Variants in CSMD1 observed in about 807,000 individuals in gnomAD.
CSMD1 encodes CUB and sushi domain-containing protein 1.
Under a neutral mutation model 417.5 loss-of-function variants are expected in CSMD1, and 213 were observed. That is an observed-to-expected ratio of 0.51 (90% confidence interval 0.46 to 0.57). The LOEUF is 0.57. Among genes scored for constraint, CSMD1 ranks in the 20% least tolerant of loss-of-function variants. The pLI, the probability that CSMD1 is intolerant of heterozygous loss-of-function variation, is 0.00. For missense variants in CSMD1, 6,923 were observed against 4,529.7 expected (o/e 1.53, Z -15.17); for synonymous variants, 2,862 against 1,736.8 (o/e 1.65, Z -16.11).
At chr8:3,436,264 C>T (rs922207518) in intron 12 of CSMD1, among the ~76,000 whole-genome samples, 22 of 152,200 alleles carry the variant, frequency 1.4e-4, no homozygotes, top group African/African-American at 3.9e-4. Context: ...TCTCTCTTAC[C>T]AACGCGATAG....
At chr8:3,613,718 CA>C (rs572724673) in intron 8 of CSMD1, among the ~76,000 whole-genome samples, 1,371 of 112,626 alleles carry the variant, frequency 0.012, 23 homozygotes, top group African/African-American at 0.043. Context: ...CACACACACA[CA>C]CACACACACA....
At chr8:4,820,978 A>G (rs1585156924) in intron 1 of CSMD1, among the ~76,000 whole-genome samples, 1 of 152,188 alleles carries the variant, frequency 6.6e-6, no homozygotes, top group African/African-American at 2.4e-5. Flanking sequence ...CAAAAATGGT[A>G]AGAGACACAA....
intron 5 of CSMD1, among the ~76,000 whole-genome samples, chr8:3,974,756 G>A (rs577859508): frequency 1.3e-5 from 2 of 151,580 alleles, no homozygotes; most frequent in Non-Finnish European, 2.9e-5. Context: ...GTATACTTAC[G>A]GAATTCTTTA....
chr8:3,591,730 A>C (rs1800855100), intron 8 of CSMD1, among the ~76,000 whole-genome samples: 1 of 151,858 alleles, frequency 6.6e-6, no homozygotes, highest in Admixed American at 6.6e-5. Flanking sequence ...AGATTAGATG[A>C]CAGATACACA....
intron 6 of CSMD1, among the ~76,000 whole-genome samples, chr8:3,714,444 C>T (rs1585120917): frequency 6.7e-6 from 1 of 150,360 alleles, no homozygotes; most frequent in South Asian, 2.1e-4. Context: ...CTTTTTTGAC[C>T]AGGCATGGTG....
At chr8:3,694,059 T>G (rs62474722) in intron 7 of CSMD1, among the ~76,000 whole-genome samples, 142,186 of 151,158 alleles carry the variant, frequency 0.94, 66,940 homozygotes, top group East Asian at 0.99. Context: ...TGTGTTAGTG[T>G]GTGTGTGTTG....
At chr8:4,103,140 G>C (rs951717895) in intron 3 of CSMD1, among the ~76,000 whole-genome samples, 2 of 151,988 alleles carry the variant, frequency 1.3e-5, no homozygotes, top group Admixed American at 6.6e-5. Context: ...CAGTTATTTT[G>C]CAAAGTAGCC....
chr8:3,135,148 T>C (rs1441190115), intron 41 of CSMD1, among the ~76,000 whole-genome samples: 2 of 152,184 alleles, frequency 1.3e-5, no homozygotes, highest in Non-Finnish European at 2.9e-5. Context: ...ACTCCTGGCC[T>C]TGAGCAATCT....
intron 5 of CSMD1, among the ~76,000 whole-genome samples, chr8:3,823,485 A>G (rs139911471): frequency 6.6e-6 from 1 of 152,210 alleles, no homozygotes; most frequent in Non-Finnish European, 1.5e-5. Context: ...TGTATTTTTG[A>G]ACCATTTAGC....
chr8:3,465,409 G>A (rs1379897043), intron 12 of CSMD1, among the ~76,000 whole-genome samples: 1 of 152,176 alleles, frequency 6.6e-6, no homozygotes, highest in Non-Finnish European at 1.5e-5. Context: ...ACGAGCCCGG[G>A]AATGATGGAG....
chr8:3,514,056 C>A (rs1485416684), intron 10 of CSMD1, among the ~76,000 whole-genome samples: 3 of 152,128 alleles, frequency 2.0e-5, no homozygotes, highest in Admixed American at 6.6e-5. Context: ...CTCTTAGGAA[C>A]ACCCTGTGTT....
chr8:3,467,850 C>T (rs1816869301), intron 12 of CSMD1, among the ~76,000 whole-genome samples: 1 of 152,128 alleles, frequency 6.6e-6, no homozygotes, highest in South Asian at 2.1e-4. Context: ...TTACATTTTT[C>T]AGCTCCTAAA....
chr8:4,165,960 C>G (rs1400116982), intron 3 of CSMD1, among the ~76,000 whole-genome samples: 2 of 152,208 alleles, frequency 1.3e-5, no homozygotes, highest in African/African-American at 4.8e-5. Flanking sequence ...CAAGGTGTCA[C>G]TGTAAGTAAT....
At position 4,390,497 on chromosome 8, in the gene CSMD1, T is replaced by TTTATTTATTTATTTATTTATTTA. The variant is rs1554457298; in HGVS notation, c.415+29455_415+29456insTAAATAAATAAATAAATAAATAA. ...AACTGTTACCCACAGAAGCGTCCAT[T>TTTATTTATTTATTTATTTATTTA]TTTATTTATTTATTTATTTATTTAT... On this transcript the variant is annotated intron_variant, in intron 3 of 69. Coordinates refer to ENST00000635120, the MANE Select transcript of CSMD1 (RefSeq NM_033225.6). Among the ~76,000 whole-genome samples, 490 of 140,358 alleles carry TTTATTTATTTATTTATTTATTTA rather than the reference T, an allele frequency of 3.5e-3. 6 individuals carry two copies. The highest frequency in any genetic ancestry group is 7.4e-3 in the Middle Eastern group (2 of 270). 92.1% of individuals were successfully genotyped at this position (140,358 alleles called of 152,430 possible).
At chr8:3,159,758 G>C (rs1365551423) in intron 38 of CSMD1, among the ~76,000 whole-genome samples, 2 of 152,218 alleles carry the variant, frequency 1.3e-5, no homozygotes, top group Non-Finnish European at 2.9e-5. Flanking sequence ...ACGGTCTGCT[G>C]GGACTGTGCA....
chr8:4,725,633 C>T (rs973135839), intron 1 of CSMD1, among the ~76,000 whole-genome samples: 3 of 152,132 alleles, frequency 2.0e-5, no homozygotes, highest in African/African-American at 7.2e-5. Context: ...CTCTTGAAAC[C>T]ACAGCTCATC....
intron 42 of CSMD1, among the ~76,000 whole-genome samples, chr8:3,112,792 C>T (rs1437171180): frequency 6.6e-6 from 1 of 152,178 alleles, no homozygotes; most frequent in Non-Finnish European, 1.5e-5. Context: ...AACAGACGCT[C>T]ATCATCACAT....
rs566873944 is a variant in CSMD1 at position 4,129,032 on chromosome 8, C to T, written c.416-96933G>A. ...CAGAGGCTGCAGTAAGCCGAGATCG[C>T]GCCACTGCACTCCAGCGTGGTTACA... is the stretch of plus-strand genomic sequence containing the variant. On this transcript the variant is annotated intron_variant, in intron 3 of 69. Coordinates refer to ENST00000635120, the MANE Select transcript of CSMD1 (RefSeq NM_033225.6). Among the ~76,000 whole-genome samples, 541 of 143,772 alleles carry T rather than the reference C, an allele frequency of 3.8e-3. 3 individuals are homozygous for T. The highest frequency in any genetic ancestry group is 0.013 in the African/African-American group (513 of 39,016). The allele number at this position is 143,772 out of a possible 152,430, so 94.3% of individuals were successfully genotyped here.
chr8:3,940,686 C>G (rs917012183), intron 5 of CSMD1, among the ~76,000 whole-genome samples: 1 of 151,636 alleles, frequency 6.6e-6, no homozygotes, highest in Non-Finnish European at 1.5e-5. Context: ...CTATAACATA[C>G]CTACATTGCT....
Sources: allele counts gnomAD v4.1 joint callset (sites outside exome capture counted in the v4.1 genomes callset), GRCh38; gene constraint gnomAD v4.1.1; transcripts MANE v1.5; gene names NCBI Gene and HGNC (gene_info 2026-07-23, HGNC 2026-07-21).